The following SORCS1 variants were observed in gnomAD, a reference collection of about 807,000 sequenced individuals.
SORCS1 encodes sortilin related VPS10 domain containing receptor 1, also known as VPS10 domain-containing receptor SorCS1.
In SORCS1, 60 loss-of-function variants were observed where a neutral mutation model predicts 146.1. The ratio of observed to expected loss-of-function variants is 0.41; its 90% CI spans 0.33 to 0.51. The LOEUF (loss-of-function observed/expected upper bound fraction) is 0.51, where lower values mean the gene tolerates loss of function less well. SORCS1 is among the 20% of genes least tolerant of loss of function. SORCS1 has a pLI of 0.21. For missense variants in SORCS1, 1,352 were observed against 1,487.6 expected (o/e 0.91, Z 1.50); for synonymous variants, 637 against 584.0 (o/e 1.09, Z -1.31).
intron 5 of SORCS1, among the ~76,000 whole-genome samples, chr10:106,738,359 G>A (rs1162620333): frequency 1.3e-5 from 2 of 152,180 alleles, no homozygotes; most frequent in Non-Finnish European, 2.9e-5. Context: ...CACAAAGGGA[G>A]AGAAAAAAGG....
chr10:106,790,421 C>G (rs1004607623), intron 3 of SORCS1, among the ~76,000 whole-genome samples: 7 of 152,112 alleles, frequency 4.6e-5, no homozygotes, highest in African/African-American at 1.7e-4. Flanking sequence ...CTGACTGAAA[C>G]TAGGGGTTTA....
At chr10:106,585,915 T>A (rs1845205332) in intron 24 of SORCS1, among the ~76,000 whole-genome samples, 1 of 152,186 alleles carries the variant, frequency 6.6e-6, no homozygotes, top group African/African-American at 2.4e-5. Context: ...CCGTAACATG[T>A]GAGACAGACC....
At chr10:106,946,565 A>C (rs79298383) in intron 2 of SORCS1, among the ~76,000 whole-genome samples, 1 of 152,204 alleles carries the variant, frequency 6.6e-6, no homozygotes, top group Non-Finnish European at 1.5e-5. Flanking sequence ...ATCATTTTAC[A>C]CCATGACTGT....
intron 1 of SORCS1, among the ~76,000 whole-genome samples, chr10:107,059,042 A>C (rs190595448): frequency 2.0e-5 from 3 of 152,308 alleles, no homozygotes. Context: ...TTGTGATGGA[A>C]AACCAATAAG....
intron 2 of SORCS1, among the ~76,000 whole-genome samples, chr10:106,914,328 G>T (rs547266167): frequency 6.6e-6 from 1 of 152,204 alleles, no homozygotes; most frequent in African/African-American, 2.4e-5. Flanking sequence ...CGTAGTTAAG[G>T]TTCATATCAT....
chr10:106,726,470 G>A (rs183442595), intron 6 of SORCS1, among the ~76,000 whole-genome samples: 2 of 148,134 alleles, frequency 1.4e-5, no homozygotes, highest in African/African-American at 5.0e-5. Context: ...ATTATCAACC[G>A]CCATGCCTTC....
intron 1 of SORCS1, among the ~76,000 whole-genome samples, chr10:106,984,823 C>T (rs1956395540): frequency 6.6e-6 from 1 of 151,482 alleles, no homozygotes; most frequent in South Asian, 2.1e-4. Context: ...ATCCTGAAAC[C>T]TCATGGACAC....
intron 24 of SORCS1, among the ~76,000 whole-genome samples, chr10:106,582,847 A>G (rs2133214529): frequency 6.6e-6 from 1 of 152,298 alleles, no homozygotes; most frequent in Non-Finnish European, 1.5e-5. Context: ...ATTCATGAGG[A>G]CCTGGAACGA....
chr10:107,138,765 G>GA lies in SORCS1; in HGVS notation c.558+25203dup, dbSNP rs200809804. ...CTGAAGCCAAATAACATATTTTGAG[G>GA]AAAAAAATGTATGTGCCAGGCCCCT... On this transcript the variant is annotated intron_variant, in intron 1 of 25. Coordinates refer to ENST00000263054, the MANE Select transcript of SORCS1 (RefSeq NM_052918.5). Among the ~76,000 whole-genome samples the GA allele has an allele frequency of 3.8e-3, 572 of 152,026 alleles. 5 individuals are homozygous for GA. The highest frequency in any genetic ancestry group is 0.012 in the African/African-American group (493 of 41,450).
chr10:106,807,548 C>T (rs183294096), intron 3 of SORCS1, among the ~76,000 whole-genome samples: 1 of 152,274 alleles, frequency 6.6e-6, no homozygotes, highest in East Asian at 1.9e-4. Context: ...AGGTTTTTCA[C>T]TGAGATGTAA....
At chr10:106,873,552 T>G (rs1038390675) in intron 2 of SORCS1, among the ~76,000 whole-genome samples, 1 of 152,182 alleles carries the variant, frequency 6.6e-6, no homozygotes, top group Non-Finnish European at 1.5e-5. Context: ...ATGGCCTACA[T>G]AAACTCTTCC....
chr10:106,700,306 G>A (rs1032954385), intron 8 of SORCS1, among the ~76,000 whole-genome samples: 3 of 152,128 alleles, frequency 2.0e-5, no homozygotes, highest in African/African-American at 7.2e-5. Context: ...TCCAAAGCTT[G>A]CTGACTCAGA....
intron 1 of SORCS1, among the ~76,000 whole-genome samples, chr10:107,042,486 A>G (rs1166363152): frequency 3.3e-5 from 5 of 152,212 alleles, no homozygotes; most frequent in Non-Finnish European, 5.9e-5. Context: ...TTTTAAGGCC[A>G]TCCTACTTCC....
chr10:107,172,489 T>G, the SORCS1 span, among the ~76,000 whole-genome samples: 6 of 152,340 alleles, frequency 3.9e-5, no homozygotes, highest in Admixed American at 6.5e-5. Flanking sequence ...TTCTATATTC[T>G]CTTGGCACTC....
chr10:107,014,834 A>G (rs567139600), intron 1 of SORCS1, among the ~76,000 whole-genome samples: 1 of 152,326 alleles, frequency 6.6e-6, no homozygotes, highest in African/African-American at 2.4e-5. Flanking sequence ...CAATTTGATG[A>G]GTTTGAATAT....
At chr10:106,840,632 A>T (rs1018414444) in intron 2 of SORCS1, among the ~76,000 whole-genome samples, 4 of 152,106 alleles carry the variant, frequency 2.6e-5, no homozygotes, top group African/African-American at 7.2e-5. Flanking sequence ...TACCATGTGT[A>T]AAATGATATC....
intron 1 of SORCS1, among the ~76,000 whole-genome samples, chr10:106,961,747 C>G (rs768264504): frequency 1.3e-5 from 2 of 152,150 alleles, no homozygotes; most frequent in South Asian, 2.1e-4. Flanking sequence ...ATAGCAACAC[C>G]TGCAAGTTAC....
intron 2 of SORCS1, among the ~76,000 whole-genome samples, chr10:106,906,014 A>C (rs1564795717): frequency 6.6e-6 from 1 of 152,154 alleles, no homozygotes; most frequent in Non-Finnish European, 1.5e-5. Flanking sequence ...ACACTCTTTC[A>C]TCCTTTGGGA....
At chr10:106,943,800 A>G (rs1267709641) in intron 2 of SORCS1, among the ~76,000 whole-genome samples, 1 of 151,850 alleles carries the variant, frequency 6.6e-6, no homozygotes, top group Non-Finnish European at 1.5e-5. Flanking sequence ...ACAGAGTGAG[A>G]CTCCATCTCA....
Sources: gnomAD v4.1 joint callset for allele counts (sites outside exome capture counted in the v4.1 genomes callset) on GRCh38, gnomAD v4.1.1 for gene constraint, MANE v1.5 for transcripts, NCBI Gene and HGNC (gene_info 2026-07-23, HGNC 2026-07-21) for gene names.